PCSK5: variants seen among roughly 807,000 people sequenced by gnomAD.
PCSK5 encodes the protein proprotein convertase subtilisin/kexin type 5, also known as prohormone convertase 5.
In PCSK5, 129 loss-of-function variants were observed where a neutral mutation model predicts 233.2. The observed-to-expected ratio is 0.55, with a 90% confidence interval of 0.48 to 0.64. PCSK5 has a LOEUF of 0.64. Among genes scored for constraint, PCSK5 ranks in the 30% least tolerant of loss-of-function variants. The probability of loss-of-function intolerance (pLI) is 0.00; values close to 1 mark genes in which losing one functional copy is unlikely to be tolerated. For synonymous variants in PCSK5, 825 were observed against 879.2 expected (o/e 0.94, Z 1.09); for missense variants, 2,076 against 2,430.1 (o/e 0.85, Z 3.06).
intron 24 of PCSK5, among the ~76,000 whole-genome samples, chr9:76,247,722 T>C (rs1826660726): frequency 6.6e-6 from 1 of 152,134 alleles, no homozygotes; most frequent in Non-Finnish European, 1.5e-5. Context: ...CTAATGAAAG[T>C]GGTTACCTAT....
At chr9:76,296,907 C>T in intron 27 of PCSK5, 42 bp downstream of exon 27, 2 of 1,288,288 alleles carry the variant, frequency 1.6e-6, no homozygotes, top group Non-Finnish European at 2.3e-6. Flanking sequence ...GTCTAGCGAC[C>T]TACTCTGCTT....
chr9:76,095,819 C>T, intron 7 of PCSK5, 71 bp from the exon 8 acceptor site: 1 of 1,381,074 alleles, frequency 7.2e-7, no homozygotes, highest in Non-Finnish European at 1.0e-6. Flanking sequence ...CTCAGTTTGG[C>T]TCAGTGGATT....
At chr9:76,005,583 A>G (rs893388908) in intron 3 of PCSK5, among the ~76,000 whole-genome samples, 24 of 152,148 alleles carry the variant, frequency 1.6e-4, no homozygotes, top group African/African-American at 5.1e-4. Flanking sequence ...CTAACTACCA[A>G]TGAGTGTGCA....
At chr9:76,037,236 A>C (rs1828895146) in intron 5 of PCSK5, among the ~76,000 whole-genome samples, 1 of 152,128 alleles carries the variant, frequency 6.6e-6, no homozygotes, top group Non-Finnish European at 1.5e-5. Flanking sequence ...AGTGAGGGGA[A>C]AAAAGCCAAA....
chr9:76,307,531 C>G (rs566358470), intron 28 of PCSK5, among the ~76,000 whole-genome samples: 98 of 152,180 alleles, frequency 6.4e-4, no homozygotes, highest in Non-Finnish European at 9.9e-4. Context: ...GAAATTGTCC[C>G]ATGGAGTTGC....
chr9:75,973,647 C>T (rs1275097833), intron 2 of PCSK5, among the ~76,000 whole-genome samples: 1 of 152,152 alleles, frequency 6.6e-6, no homozygotes, highest in African/African-American at 2.4e-5. Flanking sequence ...AGTCTTTATC[C>T]TCTACTTTTC....
chr9:76,159,620 G>A (rs1424287811), intron 12 of PCSK5, among the ~76,000 whole-genome samples: 1 of 152,120 alleles, frequency 6.6e-6, no homozygotes, highest in Non-Finnish European at 1.5e-5. Flanking sequence ...GACAATAAAT[G>A]TGTTGAGCTG....
intron 24 of PCSK5, among the ~76,000 whole-genome samples, chr9:76,270,989 A>G (rs1827494321): frequency 6.6e-6 from 1 of 152,084 alleles, no homozygotes; most frequent in African/African-American, 2.4e-5. Flanking sequence ...AAAGTCAGCA[A>G]ACATATTAAG....
intron 2 of PCSK5, among the ~76,000 whole-genome samples, chr9:75,952,078 C>T (rs1824885819): frequency 6.6e-6 from 1 of 152,200 alleles, no homozygotes; most frequent in African/African-American, 2.4e-5. Context: ...CTTCTTTTAT[C>T]ACATCTATGC....
At chr9:76,045,140 AT>A (rs1455775578) in intron 5 of PCSK5, among the ~76,000 whole-genome samples, 1 of 152,120 alleles carries the variant, frequency 6.6e-6, no homozygotes, top group Non-Finnish European at 1.5e-5. Flanking sequence ...TATTTATTGG[AT>A]TTATAACAAT....
At chr9:76,196,703 A>C (rs1321591478) in intron 20 of PCSK5, among the ~76,000 whole-genome samples, 1 of 152,218 alleles carries the variant, frequency 6.6e-6, no homozygotes, top group African/African-American at 2.4e-5. Context: ...GTACTACACA[A>C]TGTGAGAATA....
chr9:75,893,539 CT>C (rs1825694203), intron 1 of PCSK5, among the ~76,000 whole-genome samples: 1 of 152,134 alleles, frequency 6.6e-6, no homozygotes, highest in Admixed American at 6.5e-5. Flanking sequence ...CAGCTGTTAC[CT>C]TTCTGAATTA....
intron 30 of PCSK5, among the ~76,000 whole-genome samples, chr9:76,315,546 A>G (rs1037468413): frequency 6.6e-6 from 1 of 152,230 alleles, no homozygotes; most frequent in African/African-American, 2.4e-5. Flanking sequence ...CTTAAATAAA[A>G]TAATTGTGAA....
At chr9:76,005,811 C>G (rs1353543133) in intron 3 of PCSK5, among the ~76,000 whole-genome samples, 2 of 152,048 alleles carry the variant, frequency 1.3e-5, no homozygotes, top group African/African-American at 4.8e-5. Flanking sequence ...TGTTTGGGTG[C>G]CTTCTTCCCC....
intron 24 of PCSK5, 22 bp downstream of exon 24, chr9:76,240,706 C>A (rs1005366049): frequency 1.2e-5 from 18 of 1,526,958 alleles, no homozygotes; most frequent in Non-Finnish European, 1.6e-5. Context: ...TCCTTTGTCA[C>A]CTAAAGAGTT....
At chr9:76,351,883 T>C (rs1035187413) in intron 36 of PCSK5, among the ~76,000 whole-genome samples, 2 of 151,912 alleles carry the variant, frequency 1.3e-5, no homozygotes, top group Non-Finnish European at 2.9e-5. Flanking sequence ...GACTACCATG[T>C]CACTGGTCTA....
At chr9:76,084,597 G>T (rs1046838856) in intron 7 of PCSK5, among the ~76,000 whole-genome samples, 1 of 152,216 alleles carries the variant, frequency 6.6e-6, no homozygotes, top group Non-Finnish European at 1.5e-5. Context: ...CCTCACAAGA[G>T]TGTTCTAGTA....
intron 10 of PCSK5, among the ~76,000 whole-genome samples, chr9:76,141,025 C>T (rs1250612322): frequency 2.0e-5 from 3 of 152,122 alleles, no homozygotes; most frequent in African/African-American, 4.8e-5. Context: ...CAGCACATGA[C>T]TTTGACTATT....
intron 1 of PCSK5, among the ~76,000 whole-genome samples, chr9:75,904,108 T>G (rs1015003345): frequency 6.6e-6 from 1 of 152,150 alleles, no homozygotes; most frequent in African/African-American, 2.4e-5. Flanking sequence ...AATGCTGCAT[T>G]CTTTGACTCA....
Sources: allele counts gnomAD v4.1 joint callset (sites outside exome capture counted in the v4.1 genomes callset), GRCh38; gene constraint gnomAD v4.1.1; transcripts MANE v1.5; gene names NCBI Gene and HGNC (gene_info 2026-07-23, HGNC 2026-07-21).